Variants in PHF2 observed in about 807,000 individuals in gnomAD.
PHF2 encodes PHD finger protein 2, also known as lysine-specific demethylase PHF2.
PHF2 carries 27 observed loss-of-function variants against 120.5 expected under a neutral mutation model. The ratio of observed to expected loss-of-function variants is 0.22; its 90% CI spans 0.17 to 0.31. The LOEUF (loss-of-function observed/expected upper bound fraction) is 0.31. Among genes scored for constraint, PHF2 ranks in the 10% least tolerant of loss-of-function variants. The pLI, the probability that PHF2 is intolerant of heterozygous loss-of-function variation, is 1.00. For missense variants in PHF2, 1,024 were observed against 1,434.8 expected, an observed-to-expected ratio of 0.71 and a Z score of 4.63; for synonymous variants, 568 against 592.5, an observed-to-expected ratio of 0.96 and a Z score of 0.60.
rs149460994 is a variant in PHF2 at position 93,665,702 on chromosome 9, C to A, written c.1954C>A (p.Pro652Thr). 3.3e-5 allele frequency: 53 copies of A among 1,613,722 alleles called. No individual in the cohort carries two copies. In the African/African-American group the frequency reaches 6.3e-4, roughly 19 times the overall value. The stretch of plus-strand genomic sequence containing the variant: ...CTGCCCTAGCTCCAAGGCTCTCAGG[C>A]CCCCGACGAGCCCTGGTGTGTTCGG... ...KKLLGSKALR[P>T]PTSPGVFGAL... Residue 652 changes from proline to threonine, a missense_variant, in exon 15 of 22, where the codon CCC becomes ACC. Physicochemically the swap from Pro to Thr is conservative, Grantham distance 38. Transcript: ENST00000359246.
intron 1 of PHF2, among the ~76,000 whole-genome samples, chr9:93,590,378 C>A (rs1273602104): frequency 6.6e-6 from 1 of 152,192 alleles, no homozygotes; most frequent in African/African-American, 2.4e-5. Flanking sequence ...GAAGGGCGCC[C>A]CACTTTGATG....
At position 93,630,073 on chromosome 9, in the gene PHF2, A is replaced by G; in HGVS notation, c.184+18A>G. 1.9e-6 allele frequency: 3 copies of G among 1,610,750 alleles called. 1 individual carries two copies. The highest frequency in any genetic ancestry group is 2.2e-5 in the South Asian group (2 of 90,970). ...GTCCACCTGTAAGTACCGCAGCCCA[A>G]GCGGCCATCTCTTGCGGAAGAGAGC... On this transcript the variant is annotated intron_variant, in intron 2 of 21. Coordinates refer to ENST00000359246, the MANE Select transcript of PHF2 (RefSeq NM_005392.4).
chr9:93,663,165 G>A, intron 13 of PHF2, 139 bp downstream of exon 13: 1 of 1,179,122 alleles, frequency 8.5e-7, no homozygotes, highest in South Asian at 1.5e-5. Flanking sequence ...GTGCTGTGGG[G>A]TGTGCTTACG....
intron 18 of PHF2, 122 bp downstream of exon 18, chr9:93,673,984 C>T (rs752767836): frequency 1.8e-6 from 2 of 1,113,748 alleles, no homozygotes; most frequent in Non-Finnish European, 2.5e-6. Context: ...CTCAGCAAAA[C>T]CCTCGGCCTC....
rs1158895423 is a variant in PHF2, at chr9:93,677,720, G to T, written c.*44G>T. On this transcript the variant is annotated 3_prime_UTR_variant, in exon 22 of 22. Transcript: ENST00000359246. This position sits in a 1 kb window ranked among gnomAD's most constrained non-coding sequence, Gnocchi z 4.4. The stretch of plus-strand genomic sequence containing the variant: ...CCTTCTGCTCCGCTCAGGACCCCCG[G>T]AGCCCCGCGAAAACATCTGCCTCCC... 6.7e-7 allele frequency: 1 copy of T among 1,489,044 alleles called. No homozygotes were observed. 92.2% of individuals were successfully genotyped at this position (1,489,044 alleles called of 1,614,324 possible).
chr9:93,641,422 A>C (rs1826170981), intron 3 of PHF2, among the ~76,000 whole-genome samples: 1 of 152,216 alleles, frequency 6.6e-6, no homozygotes, highest in Non-Finnish European at 1.5e-5. Flanking sequence ...AGGTAAGGCG[A>C]TCTCAGCTAT....
intron 1 of PHF2, among the ~76,000 whole-genome samples, chr9:93,594,274 T>C (rs546373610): frequency 5.9e-5 from 9 of 151,286 alleles, no homozygotes; most frequent in Non-Finnish European, 7.4e-5. Flanking sequence ...CGAGGGCCCC[T>C]GTGGGTGGAC....
At chr9:93,631,155 A>C (rs192300773) in intron 2 of PHF2, among the ~76,000 whole-genome samples, 9 of 152,250 alleles carry the variant, frequency 5.9e-5, no homozygotes, top group Middle Eastern at 3.4e-3. Context: ...CTGTGAGCTG[A>C]GGCTGGGTCG....
intron 17 of PHF2, among the ~76,000 whole-genome samples, chr9:93,670,845 C>T (rs1278906302): frequency 1.3e-5 from 2 of 152,048 alleles, no homozygotes; most frequent in African/African-American, 4.8e-5. Context: ...GATGCGGATG[C>T]GAGACAGGCT....
intron 3 of PHF2, among the ~76,000 whole-genome samples, chr9:93,641,300 G>C (rs911667542): frequency 6.6e-6 from 1 of 151,690 alleles, no homozygotes; most frequent in Non-Finnish European, 1.5e-5. Flanking sequence ...TCCTTCTGCC[G>C]GATTAAGGAG....
intron 5 of PHF2, among the ~76,000 whole-genome samples, chr9:93,650,109 A>C (rs1826340390): frequency 6.8e-6 from 1 of 147,560 alleles, no homozygotes; most frequent in Non-Finnish European, 1.5e-5. Flanking sequence ...ACACTAGCAG[A>C]CACATGGACA....
chr9:93,599,148 A>G (rs118005634), intron 1 of PHF2, among the ~76,000 whole-genome samples: 5,243 of 152,236 alleles, frequency 0.034, 249 homozygotes, highest in South Asian at 0.25. Flanking sequence ...GGAGATGGGG[A>G]AGTACCAGGT....
chr9:93,613,564 T>C (rs191646537), intron 1 of PHF2, among the ~76,000 whole-genome samples: 29 of 149,352 alleles, frequency 1.9e-4, no homozygotes, highest in African/African-American at 7.1e-4. Flanking sequence ...CTTTTTCTTT[T>C]TTTTTTTTTT....
chr9:93,597,176 GC>G (rs1280354842), intron 1 of PHF2, among the ~76,000 whole-genome samples: 1 of 152,128 alleles, frequency 6.6e-6, no homozygotes, highest in African/African-American at 2.4e-5. Context: ...TGGTCCGCCT[GC>G]CTCAGCCTCC....
chr9:93,619,571 G>T (rs1368832478), intron 1 of PHF2, among the ~76,000 whole-genome samples: 2 of 152,122 alleles, frequency 1.3e-5, no homozygotes, highest in Non-Finnish European at 2.9e-5. Flanking sequence ...GTAGCCCCTG[G>T]TGGCCTGTGC....
At chr9:93,612,053 A>G (rs1825644956) in intron 1 of PHF2, among the ~76,000 whole-genome samples, 1 of 152,206 alleles carries the variant, frequency 6.6e-6, no homozygotes, top group Non-Finnish European at 1.5e-5. Context: ...TCCACACACA[A>G]AAAAGGTGTG....
intron 9 of PHF2, 41 bp from the exon 10 acceptor site, chr9:93,658,104 C>T: frequency 7.1e-7 from 1 of 1,416,086 alleles, no homozygotes; most frequent in Non-Finnish European, 9.9e-7. Context: ...CACCTGTGGG[C>T]AGCAGGCACC....
chr9:93,605,466 GA>G (rs1825524213), intron 1 of PHF2, among the ~76,000 whole-genome samples: 1 of 152,216 alleles, frequency 6.6e-6, no homozygotes, highest in Non-Finnish European at 1.5e-5. Flanking sequence ...ATGTAATACA[GA>G]AGAGTTTCAT....
Position 93,676,722 on chromosome 9 carries a change from C to CCCTGCCTCCACAACA in PHF2, c.2963_2964insTGCCTCCACAACACC (p.Thr992_Thr996dup). ...CCTCCACCACGCCAGCCTCTACCAC[C>CCCTGCCTCCACAACA]CCGGCCTCCACCACCCCGGCCTCCA... On this transcript the variant is annotated inframe_insertion, in exon 21 of 22. Transcript: ENST00000359246. 1.3e-6 allele frequency: 2 copies of CCCTGCCTCCACAACA among 1,552,518 alleles called. No homozygotes were observed. The highest frequency in any genetic ancestry group is 1.2e-5 in the South Asian group (1 of 84,694).
Sources: gnomAD v4.1 joint callset for allele counts (sites outside exome capture counted in the v4.1 genomes callset) on GRCh38, gnomAD v4.1.1 for gene constraint, Gnocchi (gnomAD v3.1) non-coding constraint, MANE v1.5 for transcripts, NCBI Gene and HGNC (gene_info 2026-07-23, HGNC 2026-07-21) for gene names.